PDE1A: variants seen among roughly 807,000 people sequenced by gnomAD.
PDE1A encodes the protein dual specificity calcium/calmodulin-dependent 3',5'-cyclic nucleotide phosphodiesterase 1A.
A neutral mutation model predicts 61.7 loss-of-function variants in PDE1A; 35 were observed. That is an observed-to-expected ratio of 0.57 (90% CI 0.43 to 0.75). PDE1A has a LOEUF of 0.75. Among genes scored for constraint, PDE1A ranks in the 30% least tolerant of loss-of-function variants. PDE1A has a pLI of 0.00. For missense variants in PDE1A, 597 were observed against 630.6 expected (o/e 0.95, Z 0.57); for synonymous variants, 232 against 213.2 (o/e 1.09, Z -0.77).
At chr2:182,245,189 T>C (rs985742548) in intron 2 of PDE1A, among the ~76,000 whole-genome samples, 1 of 152,218 alleles carries the variant, frequency 6.6e-6, no homozygotes, top group Non-Finnish European at 1.5e-5. Context: ...CTTCTTCATT[T>C]AGACTTTATT....
chr2:182,710,997 A>G, the PDE1A span, among the ~76,000 whole-genome samples: 1 of 152,212 alleles, frequency 6.6e-6, no homozygotes, highest in South Asian at 2.1e-4. Flanking sequence ...ATTATTACAA[A>G]ATAATCATGC....
chr2:182,599,914 C>T, the PDE1A span, among the ~76,000 whole-genome samples: 9 of 152,260 alleles, frequency 5.9e-5, no homozygotes, highest in East Asian at 1.7e-3. Flanking sequence ...CCCTCCATTG[C>T]AATCATAAAA....
At chr2:182,512,655 T>C (rs745737022) in intron 2 of PDE1A, among the ~76,000 whole-genome samples, 3 of 149,762 alleles carry the variant, frequency 2.0e-5, no homozygotes, top group East Asian at 1.9e-4. Flanking sequence ...TGGAAAATTA[T>C]TGCAATTCAA....
the PDE1A span, among the ~76,000 whole-genome samples, chr2:182,589,079 A>C: frequency 9.1e-6 from 1 of 109,646 alleles, no homozygotes; most frequent in South Asian, 2.8e-4. Context: ...AATAATAATA[A>C]TAATAATAAT....
At chr2:182,439,341 T>A (rs1200828862) in intron 2 of PDE1A, among the ~76,000 whole-genome samples, 1 of 151,882 alleles carries the variant, frequency 6.6e-6, no homozygotes, top group East Asian at 1.9e-4. Context: ...GTTGCATAAA[T>A]ATAAAATTAT....
intron 2 of PDE1A, among the ~76,000 whole-genome samples, chr2:182,246,231 G>A (rs781272538): frequency 6.6e-6 from 1 of 152,108 alleles, no homozygotes; most frequent in Non-Finnish European, 1.5e-5. Flanking sequence ...TTGCCTCAGG[G>A]CCTGTGTACT....
intron 2 of PDE1A, among the ~76,000 whole-genome samples, chr2:182,254,357 G>A (rs10181570): frequency 0.048 from 7,251 of 152,126 alleles, 527 homozygotes; most frequent in African/African-American, 0.16. Context: ...CACAAAAATG[G>A]AATTCAGAAA....
the PDE1A span, among the ~76,000 whole-genome samples, chr2:182,685,017 T>A: frequency 6.6e-6 from 1 of 151,372 alleles, no homozygotes; most frequent in African/African-American, 2.4e-5. Context: ...TGATGCAAGC[T>A]TTTGACAAGC....
chr2:182,182,479 C>A (rs1684848678), intron 13 of PDE1A, among the ~76,000 whole-genome samples: 1 of 152,144 alleles, frequency 6.6e-6, no homozygotes, highest in Non-Finnish European at 1.5e-5. Context: ...GAACAACAGC[C>A]TTCCTTCTGA....
intron 10 of PDE1A, among the ~76,000 whole-genome samples, chr2:182,194,490 A>G (rs1412939399): frequency 8.5e-5 from 13 of 152,138 alleles, no homozygotes; most frequent in Admixed American, 6.6e-5. Flanking sequence ...TCGAGGAGAC[A>G]TTAATTGTAT....
chr2:182,659,524 T>C, the PDE1A span, among the ~76,000 whole-genome samples: 1 of 152,196 alleles, frequency 6.6e-6, no homozygotes, highest in Non-Finnish European at 1.5e-5. Flanking sequence ...CAAAATAAGA[T>C]GATATCCCTC....
intron 1 of PDE1A, among the ~76,000 whole-genome samples, chr2:182,381,151 T>G (rs948084572): frequency 6.6e-6 from 1 of 152,154 alleles, no homozygotes; most frequent in African/African-American, 2.4e-5. Context: ...TGATAGGTTT[T>G]CTCTTTCTTC....
the PDE1A span, among the ~76,000 whole-genome samples, chr2:182,642,507 C>T: frequency 2.0e-5 from 3 of 152,176 alleles, no homozygotes; most frequent in African/African-American, 7.2e-5. Context: ...ATCCCCATAG[C>T]AATCACTGAG....
chr2:182,495,892 A>T (rs1358721388), intron 2 of PDE1A, among the ~76,000 whole-genome samples: 1 of 152,234 alleles, frequency 6.6e-6, no homozygotes, highest in Non-Finnish European at 1.5e-5. Context: ...TCATGAAGTT[A>T]TCTAATCTGG....
intron 2 of PDE1A, among the ~76,000 whole-genome samples, chr2:182,449,380 CA>C (rs748405424): frequency 6.6e-6 from 1 of 151,118 alleles, no homozygotes; most frequent in Non-Finnish European, 1.5e-5. Flanking sequence ...GACGAGCGGG[CA>C]AAATAACACA....
chr2:182,179,549 T>G (rs1180112284), intron 13 of PDE1A, among the ~76,000 whole-genome samples: 1 of 152,138 alleles, frequency 6.6e-6, no homozygotes, highest in East Asian at 1.9e-4. Context: ...AGGAAATAAA[T>G]GATTAGAGAA....
intron 2 of PDE1A, among the ~76,000 whole-genome samples, chr2:182,442,803 T>C (rs1372876053): frequency 6.6e-6 from 1 of 152,066 alleles, no homozygotes; most frequent in African/African-American, 2.4e-5. Context: ...TCAAAGGAAA[T>C]GTATAATTTA....
intron 1 of PDE1A, among the ~76,000 whole-genome samples, chr2:182,414,613 GAAAGA>G (rs1441939159): frequency 6.6e-6 from 1 of 152,094 alleles, no homozygotes; most frequent in Non-Finnish European, 1.5e-5. Context: ...GAGAAAGGAT[GAAAGA>G]AAAGAGAGGG....
At chr2:182,282,699 A>G (rs150522933) in intron 1 of PDE1A, among the ~76,000 whole-genome samples, 2,085 of 152,082 alleles carry the variant, frequency 0.014, 18 homozygotes, top group Admixed American at 0.027. Flanking sequence ...CCAAGAATTT[A>G]ATTTGTTTAT....
Sources: allele counts gnomAD v4.1 joint callset (sites outside exome capture counted in the v4.1 genomes callset), GRCh38; gene constraint gnomAD v4.1.1; transcripts MANE v1.5; gene names NCBI Gene and HGNC (gene_info 2026-07-23, HGNC 2026-07-21).